Variants in HEATR3 observed in about 807,000 individuals in gnomAD.
The protein encoded by HEATR3 is HEAT repeat containing 3, also known as HEAT repeat-containing protein 3.
Under a neutral mutation model 72.8 loss-of-function variants are expected in HEATR3, and 56 were observed. The observed-to-expected ratio is 0.77, with a 90% CI of 0.62 to 0.96. The LOEUF is 0.96. Among genes scored for constraint, HEATR3 ranks in the 40% least tolerant of loss-of-function variants. The pLI is 0.00. For missense variants in HEATR3, 747 were observed against 831.4 expected (o/e 0.90, Z 1.25); for synonymous variants, 331 against 318.1 (o/e 1.04, Z -0.43).
chr16:50,090,760 T>G (rs2037091791), intron 11 of HEATR3, among the ~76,000 whole-genome samples: 1 of 152,230 alleles, frequency 6.6e-6, no homozygotes, highest in Non-Finnish European at 1.5e-5. Context: ...TTCCAGATTT[T>G]GAGAATCAGA....
Position 50,105,182 on chromosome 16 carries a change from C to A in HEATR3, c.*121C>A. ...TTTTAATGATTACATTCTGTACATT[C>A]TGTAAAAACTTCAAAACCTGGCCAG... On this transcript the variant is annotated 3_prime_UTR_variant, in exon 15 of 15. Coordinates refer to ENST00000299192, the MANE Select transcript of HEATR3 (RefSeq NM_182922.4). 1 of 1,152,424 alleles carries A rather than the reference C, an allele frequency of 8.7e-7. No individual in the cohort carries two copies. The highest frequency in any genetic ancestry group is 1.2e-6 in the Non-Finnish European group (1 of 816,050). The allele number at this position is 1,152,424 out of a possible 1,614,324, so 71.4% of individuals were successfully genotyped here.
chr16:50,081,011 T>G (rs1443114444), intron 7 of HEATR3, among the ~76,000 whole-genome samples: 1 of 152,268 alleles, frequency 6.6e-6, no homozygotes, highest in Non-Finnish European at 1.5e-5. Context: ...GACCCAAGTC[T>G]AACAAGGTTT....
chr16:50,086,934 TA>T (rs2037001341), intron 11 of HEATR3, among the ~76,000 whole-genome samples: 1 of 151,980 alleles, frequency 6.6e-6, no homozygotes, highest in Admixed American at 6.6e-5. Context: ...CATCTCAAAA[TA>T]ATAATAATAA....
At chr16:50,068,921 T>G in intron 3 of HEATR3, 54 bp downstream of exon 3, 1 of 1,286,944 alleles carries the variant, frequency 7.8e-7, no homozygotes, top group Non-Finnish European at 1.1e-6. Flanking sequence ...AAACTTAGAC[T>G]TTTTTTAGTA....
At chr16:50,074,228 C>T (rs1041963007) in intron 5 of HEATR3, 3 of 152,114 alleles carry the variant, frequency 2.0e-5, no homozygotes, top group Non-Finnish European at 2.9e-5. Context: ...TATTGCTCTG[C>T]CAGAAATAAC....
intron 7 of HEATR3, 38 bp from the exon 8 acceptor site, chr16:50,083,899 T>C (rs752278771): frequency 6.5e-7 from 1 of 1,546,868 alleles, no homozygotes. Context: ...TTCCCAACCA[T>C]TGAGAGTTGG....
At chr16:50,072,785 C>T (rs755762569) in intron 5 of HEATR3, 71 bp downstream of exon 5, 25 of 902,426 alleles carry the variant, frequency 2.8e-5, no homozygotes, top group Non-Finnish European at 4.3e-5. Flanking sequence ...GCAGCTTTGG[C>T]GTGTTTATTC....
In HEATR3 at chr16:50,105,169, C is replaced by A; in HGVS notation, c.*108C>A. The A allele has an allele frequency of 8.5e-7, 1 of 1,181,164 alleles. No homozygotes were observed. The highest frequency in any genetic ancestry group is 1.2e-6 in the Non-Finnish European group (1 of 837,444). 73.2% of individuals were successfully genotyped at this position (1,181,164 alleles called of 1,614,324 possible). A position where few individuals can be genotyped will look rare whatever the true frequency, so the allele number is the denominator to read the frequency against. On this transcript the variant is annotated 3_prime_UTR_variant, in exon 15 of 15. Transcript: ENST00000299192. ...TCTGAAAGTCATTTTTTAATGATTA[C>A]ATTCTGTACATTCTGTAAAAACTTC... is the stretch of plus-strand genomic sequence containing the variant.
At chr16:50,091,455 A>G (rs76309522) in intron 11 of HEATR3, among the ~76,000 whole-genome samples, 10,558 of 152,120 alleles carry the variant, frequency 0.069, 511 homozygotes, top group Middle Eastern at 0.15. Flanking sequence ...CGACAGAGTG[A>G]TACTCCGTCT....
In HEATR3 at chr16:50,105,014, A is replaced by G; in HGVS notation, c.1996A>G (p.Arg666Gly). 1.9e-6 allele frequency: 3 copies of G among 1,613,360 alleles called. No homozygotes were observed. The highest frequency in any genetic ancestry group is 2.5e-6 in the Non-Finnish European group (3 of 1,179,728). ...TGACAATGTGAAAATGAATTTGCGA[A>G]GATTTATTGCTTATCAAGAAACTGT... ...VLDNVKMNLR[R>G]FIAYQETVEK... is the part of the protein sequence containing the mutation. The change falls in exon 15 of 15, where the codon AGA (arginine) becomes GGA (glycine). Residue 666 changes from arginine (R) to glycine (G), a missense_variant. Physicochemically the swap from Arg to Gly is moderately radical, Grantham distance 125. Around this residue, in one of 2 missense-constraint regions of HEATR3, gnomAD observed 586 missense variants for 708.8 expected, o/e 0.83. Transcript: ENST00000299192.
At chr16:50,082,772 AAGC>A (rs10557471) in intron 7 of HEATR3, among the ~76,000 whole-genome samples, 72,653 of 131,880 alleles carry the variant, frequency 0.55, 19,389 homozygotes, top group Admixed American at 0.65. Flanking sequence ...AAAAAAAAAA[AAGC>A]AGGTAAATTT....
At chr16:50,066,665 C>T in intron 2 of HEATR3, 126 bp downstream of exon 2, 1 of 909,286 alleles carries the variant, frequency 1.1e-6, no homozygotes, top group Non-Finnish European at 1.4e-6. Flanking sequence ...CTCCCGTTTG[C>T]AGAGATTTGA....
At chr16:50,101,269 C>CCA (rs2037360507) in intron 13 of HEATR3, among the ~76,000 whole-genome samples, 1 of 151,968 alleles carries the variant, frequency 6.6e-6, no homozygotes, top group Non-Finnish European at 1.5e-5. Flanking sequence ...GTGCCCACTA[C>CCA]CACACCTGGC....
In HEATR3 at chr16:50,078,834, T is replaced by C. The variant is rs145486639; in HGVS notation, c.857T>C (p.Met286Thr). The C allele has an allele frequency of 9.2e-5, 148 of 1,614,114 alleles. 1 individual carries two copies. In the African/African-American group the frequency reaches 1.7e-3, roughly 19 times the overall value. Residue 286 changes from methionine (M) to threonine (T), a missense_variant, in exon 7 of 15, where the codon ATG becomes ACG. This residue lies in a region of HEATR3 where 586 missense variants were observed against 708.8 expected (regional missense o/e 0.83). Transcript: ENST00000299192. Reference protein sequence around the residue: ...LLKILSEVLGMDAGEMVIQMK... With the variant: ...LLKILSEVLGTDAGEMVIQMK... ...AAGATCTTATCTGAAGTTTTGGGAA[T>C]GGATGCTGGTGAAATGGTTATTCAA... is the stretch of plus-strand genomic sequence containing the variant.
intron 5 of HEATR3, among the ~76,000 whole-genome samples, chr16:50,075,231 C>G (rs957535503): frequency 1.3e-5 from 2 of 148,578 alleles, no homozygotes; most frequent in East Asian, 2.0e-4. Flanking sequence ...GCACAGGAAT[C>G]GTTTGAACCT....
intron 11 of HEATR3, among the ~76,000 whole-genome samples, chr16:50,087,105 G>A (rs1446808098): frequency 6.6e-6 from 1 of 152,162 alleles, no homozygotes; most frequent in Non-Finnish European, 1.5e-5. Context: ...TCAAGTTACT[G>A]TTGCACCAGT....
At position 50,066,078 on chromosome 16, in the gene HEATR3, C is replaced by T. The variant is rs1001447222; in HGVS notation, c.-54C>T. ...CTTGTTAACGGCGCGGCAGCCTCCACCGCCTGCTGTTGCCCTCCTCTCTCG... is the reference window on the plus strand; with the variant it reads ...CTTGTTAACGGCGCGGCAGCCTCCATCGCCTGCTGTTGCCCTCCTCTCTCG... On this transcript the variant is annotated 5_prime_UTR_variant, in exon 1 of 15. Coordinates refer to ENST00000299192, the MANE Select transcript of HEATR3 (RefSeq NM_182922.4). 34 of 1,536,512 alleles carry T rather than the reference C, an allele frequency of 2.2e-5. No homozygotes were observed. Among genetic ancestry groups the T allele is most frequent in the East Asian group, 1.5e-4 (6 of 40,650 alleles).
chr16:50,083,144 A>T (rs1352279456), intron 7 of HEATR3, among the ~76,000 whole-genome samples: 1 of 152,234 alleles, frequency 6.6e-6, no homozygotes, highest in Non-Finnish European at 1.5e-5. Context: ...TAAGGGGGAA[A>T]AAAAAAGACA....
At position 50,065,994 on chromosome 16, in the gene HEATR3, A is replaced by C; in HGVS notation, c.-138A>C. ...CAGACGACGCGCCGTGCGCCTGCGC[A>C]CGGCTTGCCCATGTGTGCTGCAGCC... On this transcript the variant is annotated 5_prime_UTR_variant, in exon 1 of 15. Coordinates refer to ENST00000299192, the MANE Select transcript of HEATR3 (RefSeq NM_182922.4). The C allele has an allele frequency of 1.3e-5, 5 of 389,706 alleles. No homozygotes were observed. Among genetic ancestry groups the C allele is most frequent in the South Asian group, 8.8e-5 (3 of 33,916 alleles). The allele number at this position is 389,706 out of a possible 1,614,324, so 24.1% of individuals were successfully genotyped here.
Sources: allele counts gnomAD v4.1 joint callset (sites outside exome capture counted in the v4.1 genomes callset), GRCh38; gene constraint gnomAD v4.1.1; regional missense constraint gnomAD v4.1.1; transcripts MANE v1.5; gene names NCBI Gene and HGNC (gene_info 2026-07-23, HGNC 2026-07-21).